Variants in ATRNL1 observed in about 807,000 individuals in gnomAD.
The protein encoded by ATRNL1 is attractin-like protein 1.
A neutral mutation model predicts 182.7 loss-of-function variants in ATRNL1; 95 were observed. That is an observed-to-expected ratio of 0.52 (90% CI 0.44 to 0.62). The LOEUF (loss-of-function observed/expected upper bound fraction) is 0.62, where lower values mean the gene tolerates loss of function less well. Among genes scored for constraint, ATRNL1 ranks in the 20% least tolerant of loss-of-function variants. ATRNL1 has a pLI of 0.00. For synonymous variants in ATRNL1, 576 were observed against 568.3 expected, an observed-to-expected ratio of 1.01 and a Z score of -0.19; for missense variants, 1,471 against 1,679.5, an observed-to-expected ratio of 0.88 and a Z score of 2.17.
intron 26 of ATRNL1, among the ~76,000 whole-genome samples, chr10:115,634,176 C>T (rs1858712904): frequency 6.6e-6 from 1 of 152,052 alleles, no homozygotes. Context: ...CACCTAAAAT[C>T]AACTTTTTGA....
intron 19 of ATRNL1, among the ~76,000 whole-genome samples, chr10:115,388,067 G>A (rs1222106254): frequency 5.9e-5 from 9 of 152,198 alleles, no homozygotes; most frequent in African/African-American, 1.7e-4. Flanking sequence ...TTTATGTGTA[G>A]TGGGAAGAAG....
At chr10:115,406,538 A>G (rs1019668914) in intron 20 of ATRNL1, among the ~76,000 whole-genome samples, 44 of 152,274 alleles carry the variant, frequency 2.9e-4, no homozygotes, top group Admixed American at 1.3e-3. Flanking sequence ...ATTCCAAGGC[A>G]TTTTAATTTT....
intron 28 of ATRNL1, among the ~76,000 whole-genome samples, chr10:115,940,667 A>T (rs1385891953): frequency 6.9e-6 from 1 of 144,838 alleles, no homozygotes; most frequent in Non-Finnish European, 1.5e-5. Flanking sequence ...GCAATGACAG[A>T]GATTACTCTC....
chr10:115,170,996 A>G, intron 7 of ATRNL1, 41 bp from the exon 8 acceptor site: 4 of 1,208,824 alleles, frequency 3.3e-6, no homozygotes, highest in Non-Finnish European at 4.4e-6. Flanking sequence ...GTTAAGATAT[A>G]ACATTATTTT....
intron 19 of ATRNL1, 150 bp from the exon 20 acceptor site, chr10:115,394,509 A>G (rs1378562930): frequency 1.7e-5 from 10 of 603,874 alleles, no homozygotes; most frequent in Non-Finnish European, 2.8e-5. Context: ...CCTTTAATTA[A>G]AAATAATTTA....
intron 24 of ATRNL1, among the ~76,000 whole-genome samples, chr10:115,491,800 A>AG (rs1849312081): frequency 6.6e-6 from 1 of 152,126 alleles, no homozygotes; most frequent in African/African-American, 2.4e-5. Context: ...GATATGAAAA[A>AG]GAACTCTTGC....
chr10:115,409,387 C>G (rs1334611601), intron 20 of ATRNL1, among the ~76,000 whole-genome samples: 11 of 151,992 alleles, frequency 7.2e-5, no homozygotes, highest in Admixed American at 7.2e-4. Flanking sequence ...TATTGAAATG[C>G]TACTGATTTT....
At chr10:115,853,071 G>A (rs541854201) in intron 28 of ATRNL1, among the ~76,000 whole-genome samples, 1 of 152,206 alleles carries the variant, frequency 6.6e-6, no homozygotes, top group East Asian at 1.9e-4. Flanking sequence ...AAATGATGGG[G>A]TCGGGTTAGA....
chr10:115,671,630 A>C (rs1945699640), intron 26 of ATRNL1, among the ~76,000 whole-genome samples: 1 of 152,126 alleles, frequency 6.6e-6, no homozygotes, highest in South Asian at 2.1e-4. Flanking sequence ...GTAAGGACAA[A>C]GATGAGAGCA....
chr10:115,341,964 A>G (rs1279742835), intron 19 of ATRNL1, among the ~76,000 whole-genome samples: 1 of 152,012 alleles, frequency 6.6e-6, no homozygotes, highest in Non-Finnish European at 1.5e-5. Flanking sequence ...TTTTCCATCC[A>G]TTCAGCCACT....
intron 24 of ATRNL1, among the ~76,000 whole-genome samples, chr10:115,515,860 C>G (rs1338186841): frequency 6.6e-6 from 1 of 151,908 alleles, no homozygotes; most frequent in African/African-American, 2.4e-5. Context: ...AAATCAACCA[C>G]TACTTTCTTC....
chr10:115,560,565 T>C (rs782060679), intron 26 of ATRNL1, among the ~76,000 whole-genome samples: 2 of 152,166 alleles, frequency 1.3e-5, no homozygotes, highest in Non-Finnish European at 2.9e-5. Context: ...ATTCAAAGAC[T>C]TTATGTTGTT....
At chr10:115,812,544 T>G (rs111553596) in intron 27 of ATRNL1, among the ~76,000 whole-genome samples, 6,986 of 152,262 alleles carry the variant, frequency 0.046, 459 homozygotes, top group African/African-American at 0.15. Context: ...TGGCACGATC[T>G]CGGCTCACTG....
rs933842360 is a variant in ATRNL1, at chr10:115,286,372, A to G, written c.2390A>G (p.Asp797Gly). The G allele has an allele frequency of 4.4e-6, 7 of 1,601,060 alleles. No individual in the cohort carries two copies. The highest frequency in any genetic ancestry group is 5.1e-6 in the Non-Finnish European group (6 of 1,171,036). The change falls in exon 15 of 29, where the codon GAT (aspartate) becomes GGT (glycine). Residue 797 changes from aspartate to glycine, a missense_variant. Physicochemically the swap from Asp to Gly is moderately conservative, Grantham distance 94. Transcript: ENST00000355044. ...TCAAAAGAAGTAGAATTTGTTCTGG[A>G]TGAAATACAGAAGTATACACAACAG... Reference protein sequence around the residue: ...TTSKEVEFVLDEIQKYTQQKV... With the variant: ...TTSKEVEFVLGEIQKYTQQKV...
At chr10:115,264,635 A>G (rs572127161) in intron 10 of ATRNL1, among the ~76,000 whole-genome samples, 41 of 151,606 alleles carry the variant, frequency 2.7e-4, no homozygotes, top group African/African-American at 9.6e-4. Flanking sequence ...ATTATTTATG[A>G]TTTTCATTTT....
At chr10:115,318,620 G>T (rs1335626210) in intron 18 of ATRNL1, among the ~76,000 whole-genome samples, 1 of 151,944 alleles carries the variant, frequency 6.6e-6, no homozygotes, top group Non-Finnish European at 1.5e-5. Flanking sequence ...TCTTGGGAGG[G>T]TGTGTGTATG....
At chr10:115,811,804 T>G (rs1217587284) in intron 27 of ATRNL1, among the ~76,000 whole-genome samples, 1 of 152,020 alleles carries the variant, frequency 6.6e-6, no homozygotes, top group African/African-American at 2.4e-5. Flanking sequence ...ACTCCAGCTT[T>G]CTTTCTTTAA....
intron 26 of ATRNL1, among the ~76,000 whole-genome samples, chr10:115,715,612 GACA>G: frequency 6.6e-6 from 1 of 152,150 alleles, no homozygotes; most frequent in African/African-American, 2.4e-5. Flanking sequence ...CATGCAGAGA[GACA>G]ACTAACACAT....
At chr10:115,525,303 G>T (rs1480700044) in intron 25 of ATRNL1, among the ~76,000 whole-genome samples, 1 of 152,204 alleles carries the variant, frequency 6.6e-6, no homozygotes, top group African/African-American at 2.4e-5. Context: ...CCCCTTGGCA[G>T]TTCGTCCAAT....
Sources: allele counts gnomAD v4.1 joint callset (sites outside exome capture counted in the v4.1 genomes callset), GRCh38; gene constraint gnomAD v4.1.1; transcripts MANE v1.5; gene names NCBI Gene and HGNC (gene_info 2026-07-23, HGNC 2026-07-21).